The following CBLB variants were observed in gnomAD, a reference collection of about 807,000 sequenced individuals.
CBLB encodes the protein E3 ubiquitin-protein ligase CBL-B.
In CBLB, 31 loss-of-function variants were observed where a neutral mutation model predicts 104.9. That is an observed-to-expected ratio of 0.30 (90% confidence interval 0.22 to 0.40). The LOEUF is 0.40. Ranked by LOEUF, CBLB falls within the 10% of genes least tolerant of loss-of-function variation. The pLI is 1.00. For synonymous variants in CBLB, 440 were observed against 422.6 expected (o/e 1.04, Z -0.51); for missense variants, 1,062 against 1,214.6 (o/e 0.87, Z 1.87).
chr3:105,688,624 A>G (rs149792276), intron 13 of CBLB, among the ~76,000 whole-genome samples: 3 of 152,172 alleles, frequency 2.0e-5, no homozygotes, highest in African/African-American at 7.2e-5. Context: ...ACATTACACC[A>G]TATTTCTTAT....
At chr3:105,662,128 C>T (rs2063844392) in intron 18 of CBLB, among the ~76,000 whole-genome samples, 1 of 152,224 alleles carries the variant, frequency 6.6e-6, no homozygotes, top group Admixed American at 6.5e-5. Flanking sequence ...CATTTCCACA[C>T]TGACCATTAG....
In CBLB at chr3:105,838,449, T is replaced by C. The variant is rs555612928; in HGVS notation, c.419+14965A>G. On this transcript the variant is annotated intron_variant, in intron 3 of 18. Transcript: ENST00000394030. ...CAGAAAATCAGAGCCAAGATGGGCA[T>C]GGGGATAGAGTGGGAATGTTAGCTA... is the stretch of plus-strand genomic sequence containing the variant. 7.2e-4 allele frequency among the ~76,000 whole-genome samples: 109 copies of C among 151,822 alleles called. 1 individual carries two copies. Among genetic ancestry groups the C allele is most frequent in the African/African-American group, 2.6e-3 (106 of 41,402 alleles).
At chr3:105,788,401 A>G (rs1287447033) in intron 3 of CBLB, among the ~76,000 whole-genome samples, 1 of 152,174 alleles carries the variant, frequency 6.6e-6, no homozygotes, top group Non-Finnish European at 1.5e-5. Flanking sequence ...CTTGGGCCAC[A>G]TGTAAAATAC....
chr3:105,702,356 G>A lies in CBLB; in HGVS notation c.1697C>T (p.Pro566Leu). Residue 566 changes from proline (P) to leucine (L), a missense_variant, in exon 12 of 19, where the codon CCA becomes CTA. This residue lies in a region of CBLB where 605 missense variants were observed against 582.6 expected (regional missense o/e 1.04). Coordinates refer to ENST00000394030, the MANE Select transcript of CBLB (RefSeq NM_170662.5). ...PPPPERPPPI[P>L]PDNRLSRHIH... Reference sequence around the variant, plus strand: ...GTGTCTACTCAGTCTATTGTCTGGTGGGATTGGTGGAGGTCTTTCAGGTGG... The same window carrying A: ...GTGTCTACTCAGTCTATTGTCTGGTAGGATTGGTGGAGGTCTTTCAGGTGG... 1 of 1,613,708 alleles carries A rather than the reference G, an allele frequency of 6.2e-7. No individual in the cohort carries two copies. Among genetic ancestry groups the A allele is most frequent in the South Asian group, 1.1e-5 (1 of 91,048 alleles).
At chr3:105,741,162 T>C (rs1324751350) in intron 6 of CBLB, among the ~76,000 whole-genome samples, 1 of 143,870 alleles carries the variant, frequency 7.0e-6, no homozygotes, top group East Asian at 2.1e-4. Flanking sequence ...ATTCGATATA[T>C]TCCTTTGTAA....
chr3:105,756,076 T>G (rs2077055581), intron 4 of CBLB, among the ~76,000 whole-genome samples: 2 of 152,216 alleles, frequency 1.3e-5, no homozygotes, highest in South Asian at 4.1e-4. Flanking sequence ...TTTCTGTATT[T>G]GTTCATGGTT....
At chr3:105,794,314 C>T (rs1161272601) in intron 3 of CBLB, among the ~76,000 whole-genome samples, 1 of 152,168 alleles carries the variant, frequency 6.6e-6, no homozygotes, top group Non-Finnish European at 1.5e-5. Flanking sequence ...AGGCTTGCTA[C>T]TGAAAAATCC....
At chr3:105,816,490 A>G (rs2085073335) in intron 3 of CBLB, among the ~76,000 whole-genome samples, 1 of 152,214 alleles carries the variant, frequency 6.6e-6, no homozygotes, top group African/African-American at 2.4e-5. Context: ...TTACAGGTAC[A>G]TTAACAGAAC....
chr3:105,754,493 A>AAG (rs1208848396), intron 4 of CBLB, among the ~76,000 whole-genome samples: 1,859 of 64,234 alleles, frequency 0.029, 71 homozygotes, highest in African/African-American at 0.048. Context: ...AAGAAAAGGG[A>AAG]AGAGAGAGAG....
At chr3:105,698,737 C>CACAT (rs1465559705) in intron 12 of CBLB, among the ~76,000 whole-genome samples, 2 of 151,752 alleles carry the variant, frequency 1.3e-5, no homozygotes, top group African/African-American at 4.8e-5. Flanking sequence ...AACAAAATGG[C>CACAT]ACTATTAGGT....
intron 9 of CBLB, among the ~76,000 whole-genome samples, chr3:105,730,773 G>C (rs796731319): frequency 5.9e-5 from 9 of 152,144 alleles, no homozygotes; most frequent in African/African-American, 1.7e-4. Context: ...ATCAGATTAA[G>C]ACAATAACAT....
intron 17 of CBLB, among the ~76,000 whole-genome samples, chr3:105,675,978 A>G (rs2065595099): frequency 7.1e-6 from 1 of 140,958 alleles, no homozygotes; most frequent in African/African-American, 2.5e-5. Context: ...AAGGAAACAA[A>G]AAAGTTGCCT....
chr3:105,782,406 C>G (rs2080365363), intron 3 of CBLB, among the ~76,000 whole-genome samples: 1 of 152,028 alleles, frequency 6.6e-6, no homozygotes, highest in Admixed American at 6.5e-5. Flanking sequence ...AGAAATTTAG[C>G]AAACTAATTC....
At chr3:105,720,678 G>A (rs9288817) in intron 9 of CBLB, among the ~76,000 whole-genome samples, 23,653 of 152,032 alleles carry the variant, frequency 0.16, 2,051 homozygotes, top group South Asian at 0.27. Context: ...CAGTAGTATC[G>A]GTGAGAAAAA....
intron 10 of CBLB, among the ~76,000 whole-genome samples, chr3:105,707,139 A>C (rs2070278063): frequency 6.6e-6 from 1 of 152,216 alleles, no homozygotes; most frequent in Non-Finnish European, 1.5e-5. Flanking sequence ...CTCAGAACAG[A>C]CATCCAAACC....
At chr3:105,754,234 A>T (rs2076838651) in intron 4 of CBLB, among the ~76,000 whole-genome samples, 1 of 152,118 alleles carries the variant, frequency 6.6e-6, no homozygotes, top group African/African-American at 2.4e-5. Context: ...AAATTAGATT[A>T]TTCTAAACTG....
rs199855968 is a variant in CBLB, at chr3:105,867,394, G to A, written c.168+16C>T. The A allele has an allele frequency of 2.5e-5, 41 of 1,613,004 alleles. No homozygotes were observed. Among genetic ancestry groups the A allele is most frequent in the Non-Finnish European group, 3.5e-5 (41 of 1,179,076 alleles). On this transcript the variant is annotated intron_variant, in intron 2 of 18. Transcript: ENST00000394030. ...GTGAATAGTGTTTCGCACAGGCAAC[G>A]TCAGACAGAACTTACCACTTTGTCC...
chr3:105,857,780 A>T (rs1039011495), intron 2 of CBLB, among the ~76,000 whole-genome samples: 1 of 152,172 alleles, frequency 6.6e-6, no homozygotes, highest in East Asian at 1.9e-4. Context: ...GAACACAGAA[A>T]GGAATAAATC....
chr3:105,836,967 CAAA>C (rs34209714), intron 3 of CBLB, among the ~76,000 whole-genome samples: 8 of 145,014 alleles, frequency 5.5e-5, no homozygotes, highest in Non-Finnish European at 9.1e-5. Context: ...AAAACAAGAC[CAAA>C]AAAAAAAAAA....
Sources: gnomAD v4.1 joint callset for allele counts (sites outside exome capture counted in the v4.1 genomes callset) on GRCh38, gnomAD v4.1.1 for gene constraint, gnomAD v4.1.1 regional missense constraint, MANE v1.5 for transcripts, NCBI Gene and HGNC (gene_info 2026-07-23, HGNC 2026-07-21) for gene names.